SATL1: variants seen among roughly 807,000 people sequenced by gnomAD.
SATL1 encodes spermidine/spermine N(1)-acetyltransferase-like protein 1.
SATL1 carries 47 observed loss-of-function variants against 51.8 expected under a neutral mutation model. That is an observed-to-expected ratio of 0.91 (90% CI 0.72 to 1.16). The LOEUF (loss-of-function observed/expected upper bound fraction) is 1.16, where lower values mean the gene tolerates loss of function less well. SATL1 is among the 50% of genes most tolerant of loss of function. The probability of loss-of-function intolerance (pLI) is 0.00; values close to 1 mark genes in which losing one functional copy is unlikely to be tolerated. For synonymous variants in SATL1, 176 were observed against 182.4 expected, an observed-to-expected ratio of 0.97 and a Z score of 0.28; for missense variants, 520 against 526.4, an observed-to-expected ratio of 0.99 and a Z score of 0.12.
intron 2 of SATL1, among the ~76,000 whole-genome samples, chrX:85,202,316 C>T (rs966188837): frequency 1.8e-5 from 2 of 111,808 alleles, no homozygotes; most frequent in Non-Finnish European, 3.8e-5. Flanking sequence ...TAATTATATC[C>T]CATTTGCCAA....
intron 2 of SATL1, among the ~76,000 whole-genome samples, chrX:85,150,732 A>G (rs1343106666): frequency 9.0e-6 from 1 of 111,130 alleles, no homozygotes; most frequent in Non-Finnish European, 1.9e-5. Flanking sequence ...TTATCTCAAT[A>G]GATGCAGAAA....
At chrX:85,118,967 T>C (rs1925446420) in intron 2 of SATL1, among the ~76,000 whole-genome samples, 1 of 111,844 alleles carries the variant, frequency 8.9e-6, no homozygotes, top group African/African-American at 3.2e-5. Context: ...CACAGATCCA[T>C]AGCATTACAT....
At chrX:85,220,644 TAAAAAAAAAAAAAAAAAAAAAAAAA>T (rs57383092) in intron 2 of SATL1, among the ~76,000 whole-genome samples, 163 of 24,164 alleles carry the variant, frequency 6.7e-3, no homozygotes, top group Non-Finnish European at 8.4e-3. Flanking sequence ...ACTTCTGTGT[TAAAAAAAAAAAAAAAAAAAAAAAAA>T]AAAAAAAAAA....
intron 2 of SATL1, among the ~76,000 whole-genome samples, chrX:85,164,106 AT>A (rs1487772046): frequency 1.3e-4 from 15 of 111,367 alleles, no homozygotes; most frequent in African/African-American, 2.9e-4. Context: ...TGCATGGAAT[AT>A]TTTTTTCCAT....
At chrX:85,189,110 C>T (rs1437838628) in intron 2 of SATL1, among the ~76,000 whole-genome samples, 1 of 112,438 alleles carries the variant, frequency 8.9e-6, no homozygotes, top group Non-Finnish European at 1.9e-5. Flanking sequence ...ATGCCAAACA[C>T]AGGAACTGTG....
At chrX:85,172,913 G>A (rs1927002844) in intron 2 of SATL1, among the ~76,000 whole-genome samples, 1 of 111,312 alleles carries the variant, frequency 9.0e-6, no homozygotes, top group African/African-American at 3.2e-5. Flanking sequence ...GAAAAGCCAA[G>A]AGAAAGAATG....
intron 2 of SATL1, among the ~76,000 whole-genome samples, chrX:85,147,730 T>C (rs1340792216): frequency 8.9e-6 from 1 of 111,981 alleles, no homozygotes; most frequent in Non-Finnish European, 1.9e-5. Context: ...AGTGGACCTC[T>C]AGCAAACTCC....
Position 85,108,187 on chromosome X carries a change from ATACCTG to A in SATL1, c.776_781del (p.Thr259_Gly260del), listed in dbSNP as rs1569465125. ...AAGTAAGCTTGGGCTTGGCTGGATT[ATACCTG>A]TTTGGTTGGAATCTGATAAACTTGA... is the stretch of plus-strand genomic sequence containing the variant. On this transcript the variant is annotated inframe_deletion, in exon 3 of 8. Transcript: ENST00000644105. 13 of 1,211,550 alleles carry A rather than the reference ATACCTG, an allele frequency of 1.1e-5. No individual in the cohort carries two copies. The highest frequency in any genetic ancestry group is 1.5e-5 in the Non-Finnish European group (13 of 895,499).
intron 2 of SATL1, chrX:85,212,071 C>T (rs998586933): frequency 9.0e-6 from 1 of 111,254 alleles, no homozygotes; most frequent in Non-Finnish European, 1.9e-5. Flanking sequence ...TCCACTTCCT[C>T]GGTTCTCTGG....
At chrX:85,198,316 T>C (rs1248211429) in intron 2 of SATL1, among the ~76,000 whole-genome samples, 2 of 111,937 alleles carry the variant, frequency 1.8e-5, no homozygotes, top group Non-Finnish European at 3.8e-5. Flanking sequence ...CTCTTGGATA[T>C]CTTGATTTCC....
At chrX:85,202,728 C>A (rs1372161939) in intron 2 of SATL1, among the ~76,000 whole-genome samples, 1 of 112,237 alleles carries the variant, frequency 8.9e-6, no homozygotes, top group East Asian at 2.8e-4. Flanking sequence ...CCAAGCCAGG[C>A]ATTCCCTTTC....
At chrX:85,153,902 G>T (rs1006688933) in intron 2 of SATL1, 12 of 111,544 alleles carry the variant, frequency 1.1e-4, no homozygotes, top group African/African-American at 3.9e-4. Context: ...GAAGAATATA[G>T]CTGACCACTA....
chrX:85,114,494 G>C (rs770398113), intron 2 of SATL1, among the ~76,000 whole-genome samples: 2 of 111,431 alleles, frequency 1.8e-5, no homozygotes, highest in Non-Finnish European at 3.8e-5. Context: ...GAGAGCAACC[G>C]TTAAAGTTCT....
At chrX:85,147,980 C>A (rs1926304654) in intron 2 of SATL1, among the ~76,000 whole-genome samples, 1 of 112,204 alleles carries the variant, frequency 8.9e-6, no homozygotes, top group Non-Finnish European at 1.9e-5. Flanking sequence ...CGGAGAATGA[C>A]TTTGATGAGT....
chrX:85,182,398 A>C (rs1927224696), intron 2 of SATL1, among the ~76,000 whole-genome samples: 1 of 111,592 alleles, frequency 9.0e-6, no homozygotes, highest in Non-Finnish European at 1.9e-5. Flanking sequence ...AGTTACATCC[A>C]TGTTGCCAGG....
intron 2 of SATL1, among the ~76,000 whole-genome samples, chrX:85,147,991 T>C (rs1241721167): frequency 8.9e-6 from 1 of 111,984 alleles, no homozygotes; most frequent in Non-Finnish European, 1.9e-5. Context: ...TTTGATGAGT[T>C]GAGAGAAGAA....
intron 2 of SATL1, among the ~76,000 whole-genome samples, chrX:85,159,614 A>G (rs1926670554): frequency 1.8e-5 from 2 of 111,869 alleles, no homozygotes; most frequent in Non-Finnish European, 1.9e-5. Flanking sequence ...GAAATAAGAA[A>G]GGTAGAAATA....
At chrX:85,155,144 G>A (rs1926555035) in intron 2 of SATL1, among the ~76,000 whole-genome samples, 1 of 111,089 alleles carries the variant, frequency 9.0e-6, no homozygotes, top group South Asian at 3.7e-4. Flanking sequence ...TGTATATATA[G>A]GCATAAAATC....
chrX:85,138,274 T>C (rs1194755466), intron 2 of SATL1, among the ~76,000 whole-genome samples: 1 of 111,614 alleles, frequency 9.0e-6, no homozygotes, highest in Non-Finnish European at 1.9e-5. Context: ...AGGAGTTAGG[T>C]GCTTAGTGTC....
Sources: gnomAD v4.1 joint callset for allele counts (sites outside exome capture counted in the v4.1 genomes callset) on GRCh38, gnomAD v4.1.1 for gene constraint, MANE v1.5 for transcripts, NCBI Gene and HGNC (gene_info 2026-07-23, HGNC 2026-07-21) for gene names.